Variants in KPNA2 observed in about 807,000 individuals in gnomAD.
KPNA2 encodes the protein importin subunit alpha-1.
A neutral mutation model predicts 53.7 loss-of-function variants in KPNA2; 20 were observed. The ratio of observed to expected loss-of-function variants is 0.37; its 90% CI spans 0.26 to 0.54. The LOEUF (loss-of-function observed/expected upper bound fraction) is 0.54, where lower values mean the gene tolerates loss of function less well. Among genes scored for constraint, KPNA2 ranks in the 20% least tolerant of loss-of-function variants. KPNA2 has a pLI of 0.83. For synonymous variants in KPNA2, 238 were observed against 227.5 expected, an observed-to-expected ratio of 1.05 and a Z score of -0.42; for missense variants, 515 against 640.3, an observed-to-expected ratio of 0.80 and a Z score of 2.11.
At position 68,035,798 on chromosome 17, in the gene KPNA2, C is replaced by A. The variant is rs971925567; in HGVS notation, c.-66C>A. 12 of 152,770 alleles carry A rather than the reference C, an allele frequency of 7.9e-5. No homozygotes were observed. The highest frequency in any genetic ancestry group is 2.6e-4 in the African/African-American group (11 of 41,566). 9.5% of individuals were successfully genotyped at this position (152,770 alleles called of 1,614,324 possible). On this transcript the variant is annotated 5_prime_UTR_variant, in exon 1 of 11. Coordinates refer to ENST00000330459, the MANE Select transcript of KPNA2 (RefSeq NM_002266.4). ...CGCAGTCGCCCTACAGCCGCTGATTCCCCCCGCATCGCCTCCCGTGGAAGC... is the reference window on the plus strand; with the variant it reads ...CGCAGTCGCCCTACAGCCGCTGATTACCCCCGCATCGCCTCCCGTGGAAGC...
intron 3 of KPNA2, among the ~76,000 whole-genome samples, chr17:68,038,244 G>C (rs1555704058): frequency 6.6e-6 from 1 of 152,168 alleles, no homozygotes; most frequent in African/African-American, 2.4e-5. Flanking sequence ...CAAAGTGCTG[G>C]GATTACAGGC....
intron 8 of KPNA2, 107 bp from the exon 9 acceptor site, chr17:68,044,214 T>C: frequency 1.5e-6 from 2 of 1,317,280 alleles, no homozygotes; most frequent in East Asian, 4.6e-5. Context: ...TTACTTAAGG[T>C]TGGATAGAAC....
Position 68,040,768 on chromosome 17 carries a change from T to TA in KPNA2, c.302+4dup. The TA allele has an allele frequency of 6.3e-7, 1 of 1,585,782 alleles. No homozygotes were observed. The highest frequency in any genetic ancestry group is 8.6e-7 in the Non-Finnish European group (1 of 1,159,962). ...GCTCCAAGCTACTCAAGCTGCCAGG[T>TA]AAGTCTTGTCTGCGATAGCATGGGT... On this transcript the variant is annotated splice_region_variant and intron_variant, in intron 4 of 10. Coordinates refer to ENST00000330459, the MANE Select transcript of KPNA2 (RefSeq NM_002266.4).
chr17:68,043,413 G>T, intron 7 of KPNA2, 50 bp downstream of exon 7: 1 of 1,578,812 alleles, frequency 6.3e-7, no homozygotes, highest in Non-Finnish European at 8.6e-7. Flanking sequence ...AGCATGATCA[G>T]GGCTGGGCGT....
chr17:68,042,706 C>T (rs1454240112), intron 5 of KPNA2, among the ~76,000 whole-genome samples, 199 bp from the exon 6 acceptor site: 16 of 151,868 alleles, frequency 1.1e-4, no homozygotes, highest in Admixed American at 1.0e-3. Flanking sequence ...CACAGTGAAA[C>T]CCCACCTCTA....
At chr17:68,042,480 A>T in intron 5 of KPNA2, 127 bp downstream of exon 5, 1 of 1,021,712 alleles carries the variant, frequency 9.8e-7, no homozygotes, top group Non-Finnish European at 1.4e-6. Context: ...ATTAGGAATG[A>T]AAGTGTCGTC....
At chr17:68,041,202 T>C (rs1297662470) in intron 4 of KPNA2, among the ~76,000 whole-genome samples, 2 of 152,228 alleles carry the variant, frequency 1.3e-5, no homozygotes, top group African/African-American at 4.8e-5. Flanking sequence ...TATGATATAA[T>C]AGAAAGGATT....
chr17:68,036,427 ATAATG>A (rs2144204375), intron 1 of KPNA2: 1 of 152,450 alleles, frequency 6.6e-6, no homozygotes, highest in African/African-American at 2.4e-5. Flanking sequence ...AATGTTGACC[ATAATG>A]TAATGATGAA....
chr17:68,036,677 G>A (rs1419802968), intron 1 of KPNA2: 2 of 178,832 alleles, frequency 1.1e-5, no homozygotes, highest in South Asian at 2.3e-4. Flanking sequence ...TACGCTGTAA[G>A]CTTAAAGTAC....
chr17:68,042,193 G>A lies in KPNA2; in HGVS notation c.411G>A (p.Gln137=). The A allele has an allele frequency of 6.2e-7, 1 of 1,614,004 alleles. No individual in the cohort carries two copies. The highest frequency in any genetic ancestry group is 8.5e-7 in the Non-Finnish European group (1 of 1,179,914). The part of the protein sequence containing the change: ...FLGRTDCSPI[Q]FESAWALTNI... ...GCAGAACTGATTGTAGTCCCATTCA[G>A]TTTGAATCTGCTTGGGCACTCACTA... Residue 137 remains glutamine (Q), a synonymous_variant, in exon 5 of 11, where the codon CAG becomes CAA. Transcript: ENST00000330459.
In KPNA2 at chr17:68,042,101, G is replaced by C. The variant is rs1555704631; in HGVS notation, c.319G>C (p.Glu107Gln). ...CCCCTTTAGGAAACTACTTTCCAGA[G>C]AAAAACAGCCCCCCATAGACAACAT... ...TQAARKLLSR[E>Q]KQPPIDNIIR... The change falls in exon 5 of 11, where the codon GAA (glutamate) becomes CAA (glutamine). Residue 107 changes from glutamate to glutamine, a missense_variant. Glu to Gln is a conservative substitution (Grantham distance 29). Coordinates refer to ENST00000330459, the MANE Select transcript of KPNA2 (RefSeq NM_002266.4). 6.2e-7 allele frequency: 1 copy of C among 1,612,914 alleles called. No homozygotes were observed. The highest frequency in any genetic ancestry group is 8.5e-7 in the Non-Finnish European group (1 of 1,179,030).
chr17:68,039,601 A>G (rs1555704235), intron 3 of KPNA2, among the ~76,000 whole-genome samples: 1 of 150,766 alleles, frequency 6.6e-6, no homozygotes, highest in Non-Finnish European at 1.5e-5. Flanking sequence ...ACCAACATGG[A>G]GAAACTCCAT....
intron 3 of KPNA2, among the ~76,000 whole-genome samples, chr17:68,038,451 G>A (rs192670735): frequency 3.3e-4 from 50 of 152,212 alleles, no homozygotes; most frequent in African/African-American, 1.2e-3. Context: ...CTATGTTTTT[G>A]TATTTGTCAC....
chr17:68,041,267 C>T (rs1555704539), intron 4 of KPNA2, among the ~76,000 whole-genome samples: 3 of 152,282 alleles, frequency 2.0e-5, no homozygotes, highest in African/African-American at 7.2e-5. Context: ...GGTAAATTAT[C>T]ATTAAAAAGT....
chr17:68,044,967 C>T (rs1442988143), intron 9 of KPNA2, among the ~76,000 whole-genome samples: 13 of 151,742 alleles, frequency 8.6e-5, no homozygotes, highest in East Asian at 7.8e-4. Flanking sequence ...TGGTGGTGGG[C>T]GCCTATAATC....
intron 3 of KPNA2, among the ~76,000 whole-genome samples, chr17:68,039,632 T>G (rs558342591): frequency 3.4e-4 from 48 of 140,714 alleles, no homozygotes; most frequent in African/African-American, 1.2e-3. Flanking sequence ...AATACAAAAT[T>G]AGCTGGGCAT....
Position 68,043,921 on chromosome 17 carries a change from C to T in KPNA2, c.1014C>T (p.Ala338=), listed in dbSNP as rs781898438. Residue 338 remains alanine (A), a synonymous_variant, in exon 8 of 11, where the codon GCC becomes GCT. Coordinates refer to ENST00000330459, the MANE Select transcript of KPNA2 (RefSeq NM_002266.4). Reference sequence around the variant, plus strand: ...TTGTGATTGATGCAGGAGCACTCGCCGTCTTTCCCAGCCTGCTCACCAACC... The same window carrying T: ...TTGTGATTGATGCAGGAGCACTCGCTGTCTTTCCCAGCCTGCTCACCAACC... ...TQVVIDAGAL[A]VFPSLLTNPK... is the part of the protein sequence containing the mutation. 103 of 1,613,446 alleles carry T rather than the reference C, an allele frequency of 6.4e-5. No homozygotes were observed. Among genetic ancestry groups the T allele is most frequent in the Non-Finnish European group, 7.7e-5 (91 of 1,179,658 alleles).
At chr17:68,046,039 T>G in intron 10 of KPNA2, 118 bp downstream of exon 10, 1 of 636,210 alleles carries the variant, frequency 1.6e-6, no homozygotes, top group Non-Finnish European at 2.6e-6. Context: ...AAAATATCAG[T>G]GTGCATGGGA....
rs1555705125 is a variant in KPNA2, at chr17:68,044,318, T to C, written c.1165-3T>C. The C allele has an allele frequency of 2.5e-6, 4 of 1,607,574 alleles. No homozygotes were observed. Among genetic ancestry groups the C allele is most frequent in the East Asian group, 2.2e-5 (1 of 44,846 alleles). ...AATAAAACCATTTCCTTATGTTTAA[T>C]AGGCAGATTTTAAGACACAAAAGGA... On this transcript the variant is annotated splice_region_variant and splice_polypyrimidine_tract_variant and intron_variant, in intron 8 of 10. Coordinates refer to ENST00000330459, the MANE Select transcript of KPNA2 (RefSeq NM_002266.4).
Sources: gnomAD v4.1 joint callset for allele counts (sites outside exome capture counted in the v4.1 genomes callset) on GRCh38, gnomAD v4.1.1 for gene constraint, MANE v1.5 for transcripts, NCBI Gene and HGNC (gene_info 2026-07-23, HGNC 2026-07-21) for gene names.